Variants in CST8 observed in about 807,000 individuals in gnomAD.
CST8 encodes the protein cystatin 8, also known as cystatin-8.
A neutral mutation model predicts 11.8 loss-of-function variants in CST8; 20 were observed. The ratio of observed to expected loss-of-function variants is 1.70; its 90% CI spans 1.20 to 2.47. The LOEUF (loss-of-function observed/expected upper bound fraction) is 2.47, where lower values mean the gene tolerates loss of function less well. Ranked by LOEUF, CST8 falls within the 30% of genes most tolerant of loss-of-function variation. The pLI, the probability that CST8 is intolerant of heterozygous loss-of-function variation, is 0.00. For missense variants in CST8, 196 were observed against 167.2 expected, an observed-to-expected ratio of 1.17 and a Z score of -0.95; for synonymous variants, 77 against 63.1, an observed-to-expected ratio of 1.22 and a Z score of -1.05.
chr20:23,499,964 G>C (rs998126004), downstream of CST8, among the ~76,000 whole-genome samples: 22 of 151,938 alleles, frequency 1.4e-4, 1 homozygote. Context: ...AGGAGAGAGA[G>C]AGACAGTGTG....
At chr20:23,501,430 C>T in the CST8 span, among the ~76,000 whole-genome samples, 1 of 152,228 alleles carries the variant, frequency 6.6e-6, no homozygotes, top group Non-Finnish European at 1.5e-5. Flanking sequence ...CTGCTGCCTT[C>T]CCTCCCTCCC....
chr20:23,503,883 G>A, the CST8 span, among the ~76,000 whole-genome samples: 2 of 152,190 alleles, frequency 1.3e-5, no homozygotes, highest in African/African-American at 2.4e-5. Flanking sequence ...CATGGCGGGC[G>A]GGTCAAGGAG....
downstream of CST8, among the ~76,000 whole-genome samples, chr20:23,500,412 G>A (rs956626553): frequency 8.5e-5 from 13 of 152,076 alleles, no homozygotes; most frequent in African/African-American, 3.1e-4. Context: ...CAGCTTAGCC[G>A]GTTTCTACCT....
the CST8 span, among the ~76,000 whole-genome samples, chr20:23,504,580 T>G: frequency 1.3e-5 from 2 of 152,196 alleles, no homozygotes; most frequent in African/African-American, 4.8e-5. Flanking sequence ...CTAAAGTAAC[T>G]TTATTTATAG....
chr20:23,495,859 C>T lies in CST8; in HGVS notation c.374C>T (p.Ala125Val), dbSNP rs559058456. 2 of 1,609,304 alleles carry T rather than the reference C, an allele frequency of 1.2e-6. No homozygotes were observed. The highest frequency in any genetic ancestry group is 8.5e-7 in the Non-Finnish European group (1 of 1,178,808). ...TTAAGCTGCAGCTTTTTGGTAGGAG[C>T]ACTTCCCTGGAATGGTGAATTCACT... ...RKLSCSFLVG[A>V]LPWNGEFTVM... The change falls in exon 4 of 4, where the codon GCA (alanine) becomes GTA (valine). Residue 125 changes from alanine to valine, a missense_variant. Transcript: ENST00000246012.
At chr20:23,504,415 G>C in the CST8 span, among the ~76,000 whole-genome samples, 1 of 152,042 alleles carries the variant, frequency 6.6e-6, no homozygotes, top group Admixed American at 6.6e-5. Flanking sequence ...AGCTGAACAG[G>C]AGCACTCCTC....
chr20:23,499,806 C>T (rs985421664), downstream of CST8, among the ~76,000 whole-genome samples: 2 of 152,140 alleles, frequency 1.3e-5, no homozygotes, highest in African/African-American at 2.4e-5. Flanking sequence ...GGGGACCTTG[C>T]TGGTTGGTGG....
At chr20:23,506,108 C>T in the CST8 span, among the ~76,000 whole-genome samples, 1 of 151,594 alleles carries the variant, frequency 6.6e-6, no homozygotes, top group South Asian at 2.1e-4. Context: ...GTAGTTTGTA[C>T]TGGAGAATGT....
Position 23,491,660 on chromosome 20 carries a change from A to G in CST8, c.-8A>G. On this transcript the variant is annotated 5_prime_UTR_variant, in exon 2 of 4. Coordinates refer to ENST00000246012, the MANE Select transcript of CST8 (RefSeq NM_005492.4). ...GGAGAGTCGACTTTGCCTCTTGCCC[A>G]AGGGACCATGCCCAGGTGCCGGTGG... 1 of 1,611,700 alleles carries G rather than the reference A, an allele frequency of 6.2e-7. No individual in the cohort carries two copies.
chr20:23,505,139 CTTTTT>C, the CST8 span, among the ~76,000 whole-genome samples: 1 of 82,028 alleles, frequency 1.2e-5, no homozygotes, highest in Non-Finnish European at 2.3e-5. Flanking sequence ...AAGAAGCATT[CTTTTT>C]TTTTTTTTTT....
the CST8 span, among the ~76,000 whole-genome samples, chr20:23,501,131 C>G: frequency 1.3e-5 from 2 of 152,306 alleles, no homozygotes; most frequent in East Asian, 3.9e-4. Flanking sequence ...CAGAAAAGAT[C>G]TCCCCAGATG....
In CST8 at chr20:23,491,342, G is replaced by A; in HGVS notation, c.-144G>A. ...AGATAACAAGAGTGACGCTCACAGG[G>A]GTAGGCATAGACACACTGGGGCCGA... On this transcript the variant is annotated splice_region_variant and 5_prime_UTR_variant, in exon 1 of 4. Transcript: ENST00000246012. 2.9e-6 allele frequency: 1 copy of A among 349,414 alleles called. No homozygotes were observed. The highest frequency in any genetic ancestry group is 3.6e-5 in the South Asian group (1 of 27,634). The allele number at this position is 349,414 out of a possible 1,614,324, so 21.6% of individuals were successfully genotyped here.
At chr20:23,497,572 C>T (rs937149323), downstream of CST8, among the ~76,000 whole-genome samples, 24 of 152,228 alleles carry the variant, frequency 1.6e-4, no homozygotes, top group African/African-American at 5.5e-4. Context: ...TGCTGATAGA[C>T]ATACCTGATA....
chr20:23,493,011 C>T lies in CST8; in HGVS notation c.285C>T (p.Cys95=), dbSNP rs772873128. The T allele has an allele frequency of 1.2e-5, 19 of 1,613,556 alleles. No homozygotes were observed. The East Asian group carries it at 3.8e-4, about 32-fold the overall frequency. ...ATGTAGAAATTGCCCGCAGCGATTG[C>T]AGAAAGCCTTTAAGCACTAATGAAA... ...LIDVEIARSD[C]RKPLSTNEIC... is the part of the protein sequence containing the mutation. Residue 95 remains cysteine (C), a synonymous_variant, in exon 3 of 4, where the codon TGC becomes TGT. Coordinates refer to ENST00000246012, the MANE Select transcript of CST8 (RefSeq NM_005492.4).
chr20:23,505,109 C>G, the CST8 span, among the ~76,000 whole-genome samples: 1 of 150,644 alleles, frequency 6.6e-6, no homozygotes, highest in East Asian at 2.0e-4. Context: ...AGATAAATAG[C>G]TCTGGTAGAT....
downstream of CST8, chr20:23,496,080 A>G (rs951885040): frequency 1.5e-5 from 9 of 597,752 alleles, no homozygotes; most frequent in East Asian, 2.6e-4. Context: ...GGGCATGTCC[A>G]GGTCCTCTTT....
chr20:23,505,348 G>A, the CST8 span, among the ~76,000 whole-genome samples: 2 of 151,966 alleles, frequency 1.3e-5, no homozygotes, highest in African/African-American at 4.8e-5. Flanking sequence ...GTTTCACTGT[G>A]TCAGCCAGGA....
chr20:23,491,847 C>G lies in CST8; in HGVS notation c.180C>G (p.Ser60Arg), dbSNP rs558256451. The change falls in exon 2 of 4, where the codon AGC becomes AGG. Residue 60 changes from serine (S) to arginine (R), a missense_variant. Coordinates refer to ENST00000246012, the MANE Select transcript of CST8 (RefSeq NM_005492.4). ...CCATGCAAGAATACAACAAAGAGAG[C>G]GAGGACAAGTATGTCTTCCTGGTGG... is the stretch of plus-strand genomic sequence containing the variant. ...WFAMQEYNKE[S>R]EDKYVFLVVK... 9 of 1,614,146 alleles carry G rather than the reference C, an allele frequency of 5.6e-6. No individual in the cohort carries two copies. Among genetic ancestry groups the G allele is most frequent in the Admixed American group, 1.7e-5 (1 of 60,020 alleles).
downstream of CST8, among the ~76,000 whole-genome samples, chr20:23,496,411 G>C (rs1347202551): frequency 6.6e-6 from 1 of 152,062 alleles, no homozygotes; most frequent in Non-Finnish European, 1.5e-5. Flanking sequence ...GAGTTTATTA[G>C]TGATTTTCAA....
Sources: allele counts gnomAD v4.1 joint callset (sites outside exome capture counted in the v4.1 genomes callset), GRCh38; gene constraint gnomAD v4.1.1; transcripts MANE v1.5; gene names NCBI Gene and HGNC (gene_info 2026-07-23, HGNC 2026-07-21).